The following STPG2 variants were observed in gnomAD, a reference collection of about 807,000 sequenced individuals.
The protein encoded by STPG2 is sperm-tail PG-rich repeat-containing protein 2.
In STPG2, 56 loss-of-function variants were observed where a neutral mutation model predicts 54.2. The ratio of observed to expected loss-of-function variants is 1.03; its 90% CI spans 0.83 to 1.29. The LOEUF (loss-of-function observed/expected upper bound fraction) is 1.29. Among genes scored for constraint, STPG2 ranks in the 50% most tolerant of loss-of-function variants. The probability of loss-of-function intolerance (pLI) is 0.00; values close to 1 mark genes in which losing one functional copy is unlikely to be tolerated. For synonymous variants in STPG2, 200 were observed against 181.8 expected (o/e 1.10, Z -0.81); for missense variants, 596 against 544.9 (o/e 1.09, Z -0.93).
chr4:98,017,078 G>C (rs967631585), intron 5 of STPG2, among the ~76,000 whole-genome samples: 1 of 152,224 alleles, frequency 6.6e-6, no homozygotes, highest in African/African-American at 2.4e-5. Context: ...CCTGAAGCCT[G>C]AGTCTGCAGG....
At chr4:98,125,192 T>G (rs1409913434) in intron 3 of STPG2, among the ~76,000 whole-genome samples, 5 of 152,210 alleles carry the variant, frequency 3.3e-5, no homozygotes, top group African/African-American at 9.6e-5. Context: ...TCCATCTCAG[T>G]CTCAGCCCAG....
chr4:97,510,231 A>G (rs1480368454), intron 4 of STPG2, among the ~76,000 whole-genome samples: 1 of 152,136 alleles, frequency 6.6e-6, no homozygotes, highest in African/African-American at 2.4e-5. Context: ...TACCAGGGTA[A>G]GTTGATACAT....
At chr4:98,104,058 GAC>G (rs1471878438) in intron 5 of STPG2, among the ~76,000 whole-genome samples, 1 of 152,080 alleles carries the variant, frequency 6.6e-6, no homozygotes, top group Non-Finnish European at 1.5e-5. Context: ...CTCTGCTAGT[GAC>G]ACAGTCATCC....
chr4:97,761,523 G>C (rs550509890), intron 9 of STPG2, among the ~76,000 whole-genome samples: 15 of 152,162 alleles, frequency 9.9e-5, no homozygotes, highest in Non-Finnish European at 2.2e-4. Context: ...CTTGCCTCCT[G>C]AATTGTGAGA....
chr4:98,024,955 A>T (rs373380363), intron 5 of STPG2, among the ~76,000 whole-genome samples: 2 of 152,222 alleles, frequency 1.3e-5, no homozygotes, highest in Non-Finnish European at 2.9e-5. Flanking sequence ...GGTCTTTAGG[A>T]TTCTCTTGAA....
At chr4:97,886,318 A>G (rs1253617146) in intron 8 of STPG2, among the ~76,000 whole-genome samples, 1 of 152,238 alleles carries the variant, frequency 6.6e-6, no homozygotes, top group East Asian at 1.9e-4. Flanking sequence ...TTCAACAGTA[A>G]TGCTTTATGC....
intron 5 of STPG2, among the ~76,000 whole-genome samples, chr4:98,062,821 T>A (rs1318925237): frequency 2.0e-5 from 3 of 152,102 alleles, no homozygotes; most frequent in African/African-American, 7.2e-5. Context: ...ATCCATTGGA[T>A]ATTAATTAAA....
At chr4:97,509,424 A>T (rs1206115503) in intron 4 of STPG2, among the ~76,000 whole-genome samples, 1 of 152,156 alleles carries the variant, frequency 6.6e-6, no homozygotes. Flanking sequence ...TCTTACAAGA[A>T]ATTGTAATAA....
intron 10 of STPG2, among the ~76,000 whole-genome samples, chr4:97,617,421 C>A (rs190715853): frequency 1.3e-4 from 20 of 152,280 alleles, no homozygotes; most frequent in South Asian, 4.1e-4. Context: ...GAATCAATTA[C>A]ATTTCCCTAA....
chr4:97,608,669 T>C (rs1733654508), intron 10 of STPG2, among the ~76,000 whole-genome samples: 1 of 152,084 alleles, frequency 6.6e-6, no homozygotes, highest in African/African-American at 2.4e-5. Flanking sequence ...TTCAGAAAAT[T>C]AAGCAGGAGA....
chr4:97,690,489 A>C (rs1182338372), intron 10 of STPG2, among the ~76,000 whole-genome samples: 1 of 152,086 alleles, frequency 6.6e-6, no homozygotes, highest in African/African-American at 2.4e-5. Flanking sequence ...ATATAAACTG[A>C]GGACCATTCC....
chr4:97,570,616 C>T (rs1732575551), intron 10 of STPG2, among the ~76,000 whole-genome samples: 2 of 151,786 alleles, frequency 1.3e-5, no homozygotes, highest in Non-Finnish European at 2.9e-5. Flanking sequence ...CAAAGGTTAA[C>T]CACTGAAGAC....
intron 8 of STPG2, among the ~76,000 whole-genome samples, chr4:97,890,114 A>C (rs1441028094): frequency 6.6e-6 from 1 of 152,146 alleles, no homozygotes; most frequent in African/African-American, 2.4e-5. Flanking sequence ...TAAGCTTCTC[A>C]AACCAAGAAC....
chr4:98,113,114 G>A (rs1230385565), intron 3 of STPG2, among the ~76,000 whole-genome samples: 3 of 150,522 alleles, frequency 2.0e-5, no homozygotes, highest in Non-Finnish European at 4.4e-5. Flanking sequence ...AGTATAACAC[G>A]AAGAAAGACA....
At chr4:97,687,480 C>T (rs1394177625) in intron 10 of STPG2, among the ~76,000 whole-genome samples, 1 of 152,098 alleles carries the variant, frequency 6.6e-6, no homozygotes, top group Non-Finnish European at 1.5e-5. Flanking sequence ...GCTGGGATTA[C>T]AGGCGCATGC....
intron 10 of STPG2, among the ~76,000 whole-genome samples, chr4:97,581,181 C>A (rs1017502568): frequency 2.4e-4 from 36 of 152,138 alleles, no homozygotes; most frequent in Middle Eastern, 3.4e-3. Flanking sequence ...ACTAAACACA[C>A]TTTAGTTGCT....
intron 5 of STPG2, among the ~76,000 whole-genome samples, chr4:97,995,680 G>T (rs558341552): frequency 6.6e-6 from 1 of 152,044 alleles, no homozygotes; most frequent in Admixed American, 6.5e-5. Context: ...AGCTAAAGTG[G>T]GAGGAAGCTG....
chr4:97,741,540 A>G (rs1725234774), intron 9 of STPG2, among the ~76,000 whole-genome samples: 1 of 152,152 alleles, frequency 6.6e-6, no homozygotes, highest in Non-Finnish European at 1.5e-5. Flanking sequence ...AACCCCATCA[A>G]AAAGTGGGCA....
At chr4:97,741,838 A>G (rs1725247943) in intron 9 of STPG2, among the ~76,000 whole-genome samples, 1 of 152,122 alleles carries the variant, frequency 6.6e-6, no homozygotes, top group Non-Finnish European at 1.5e-5. Context: ...TAGAAATACC[A>G]TTTGACCAAG....
Sources: gnomAD v4.1 joint callset for allele counts (sites outside exome capture counted in the v4.1 genomes callset) on GRCh38, gnomAD v4.1.1 for gene constraint, MANE v1.5 for transcripts, NCBI Gene and HGNC (gene_info 2026-07-23, HGNC 2026-07-21) for gene names.